Variants in LRRC56 observed in about 807,000 individuals in gnomAD.
LRRC56 encodes leucine rich repeat containing 56.
A neutral mutation model predicts 47.8 loss-of-function variants in LRRC56; 41 were observed. That is an observed-to-expected ratio of 0.86 (90% CI 0.67 to 1.11). The LOEUF (loss-of-function observed/expected upper bound fraction) is 1.11, where lower values mean the gene tolerates loss of function less well. LRRC56 is among the 50% of genes most tolerant of loss of function. The pLI, the probability that LRRC56 is intolerant of heterozygous loss-of-function variation, is 0.00. For missense variants in LRRC56, 759 were observed against 704.2 expected, an observed-to-expected ratio of 1.08 and a Z score of -0.88; for synonymous variants, 387 against 311.2, an observed-to-expected ratio of 1.24 and a Z score of -2.56.
upstream of LRRC56, chr11:534,531 A>T (rs1851337022): frequency 3.3e-6 from 2 of 598,070 alleles, no homozygotes; most frequent in Non-Finnish European, 6.0e-6. Context: ...TGCAGCTGCA[A>T]CCCAGCGTGC....
chr11:519,233 A>G, the LRRC56 span, among the ~76,000 whole-genome samples: 1 of 152,198 alleles, frequency 6.6e-6, no homozygotes, highest in Non-Finnish European at 1.5e-5. Context: ...TTCTTCCTAA[A>G]GGAACGTGGC....
chr11:520,672 A>G, the LRRC56 span, among the ~76,000 whole-genome samples: 87 of 152,004 alleles, frequency 5.7e-4, 1 homozygote, highest in Non-Finnish European at 2.2e-4. Context: ...AATGAGCCCC[A>G]TGCCTGACCT....
At position 551,824 on chromosome 11, in the gene LRRC56, C is replaced by T. The variant is rs772797475; in HGVS notation, c.970C>T (p.His324Tyr). ...AGAAGATAACACCAGCAGCCTCACCCATGGTAACTGACTTGCCTCAAAGCT... is the reference window on the plus strand; with the variant it reads ...AGAAGATAACACCAGCAGCCTCACCTATGGTAACTGACTTGCCTCAAAGCT... Reference protein sequence around the residue: ...APEDNTSSLTHGAGQVLCGNP... With the variant: ...APEDNTSSLTYGAGQVLCGNP... The change falls in exon 10 of 14, where the codon CAT becomes TAT. Residue 324 changes from histidine (H) to tyrosine (Y), a missense_variant. Transcript: ENST00000270115. 3 of 1,606,884 alleles carry T rather than the reference C, an allele frequency of 1.9e-6. No individual in the cohort carries two copies. In the South Asian group the frequency reaches 3.3e-5, roughly 18 times the overall value.
the LRRC56 span, among the ~76,000 whole-genome samples, chr11:526,946 A>G: frequency 1.3e-5 from 2 of 151,782 alleles, no homozygotes; most frequent in Non-Finnish European, 2.9e-5. Flanking sequence ...AAAAAAAGAA[A>G]AAAAAAGAAA....
chr11:552,762 A>G, intron 13 of LRRC56, 60 bp downstream of exon 13: 1 of 1,452,758 alleles, frequency 6.9e-7, no homozygotes, highest in Non-Finnish European at 9.4e-7. Flanking sequence ...CCACTTCTAT[A>G]GGGGGGCCCT....
the LRRC56 span, among the ~76,000 whole-genome samples, chr11:511,714 C>T: frequency 6.6e-6 from 1 of 152,224 alleles, no homozygotes; most frequent in African/African-American, 2.4e-5. Context: ...GCCTCAGATA[C>T]AAGATGCCTC....
At chr11:522,972 A>T in the LRRC56 span, among the ~76,000 whole-genome samples, 1 of 152,092 alleles carries the variant, frequency 6.6e-6, no homozygotes, top group Non-Finnish European at 1.5e-5. Context: ...TGGTCTCTGT[A>T]TATATTTTCT....
intron 12 of LRRC56, 130 bp downstream of exon 12, chr11:552,362 G>T (rs1055137069): frequency 7.4e-7 from 1 of 1,359,636 alleles, no homozygotes; most frequent in Non-Finnish European, 1.0e-6. Flanking sequence ...TGTCCCGTGG[G>T]GGGATCAGGG....
chr11:551,804 A>C lies in LRRC56; in HGVS notation c.950A>C (p.Asp317Ala). ...GLLSEDLAPE[D>A]NTSSLTHGAG... ...CTTTCTGAGGACCTGGCCCCAGAAG[A>C]TAACACCAGCAGCCTCACCCATGGT... The change falls in exon 10 of 14, where the codon GAT becomes GCT. Residue 317 changes from aspartate (D) to alanine (A), a missense_variant. Transcript: ENST00000270115. 1 of 1,608,060 alleles carries C rather than the reference A, an allele frequency of 6.2e-7. No individual in the cohort carries two copies. Among genetic ancestry groups the C allele is most frequent in the Admixed American group, 1.7e-5 (1 of 59,668 alleles).
chr11:538,332 G>A (rs114204734), intron 1 of LRRC56, among the ~76,000 whole-genome samples: 2,813 of 152,272 alleles, frequency 0.018, 84 homozygotes, highest in African/African-American at 0.064. Flanking sequence ...CATGAGGCTC[G>A]AGGCTGGCAG....
intron 6 of LRRC56, among the ~76,000 whole-genome samples, chr11:549,128 G>C (rs750478141): frequency 2.0e-5 from 3 of 152,170 alleles, no homozygotes; most frequent in Non-Finnish European, 2.9e-5. Flanking sequence ...ATGAAGCCCA[G>C]GTGAGTCACA....
chr11:553,915 C>T (rs201673418), intron 13 of LRRC56, 48 bp from the exon 14 acceptor site: 3 of 1,570,360 alleles, frequency 1.9e-6, no homozygotes, highest in African/African-American at 1.4e-5. Context: ...GGGTGACTCC[C>T]TTCCCTGACA....
the LRRC56 span, among the ~76,000 whole-genome samples, chr11:524,055 C>T: frequency 0.027 from 4,051 of 152,242 alleles, 77 homozygotes; most frequent in Non-Finnish European, 0.038. Context: ...GGTATCGGTT[C>T]TCGGTAATTG....
chr11:532,416 C>T, the LRRC56 span: 152 of 662,920 alleles, frequency 2.3e-4, 1 homozygote, highest in African/African-American at 2.1e-3. Flanking sequence ...CCCGGGGTGA[C>T]TGGGCTCCAG....
At chr11:552,734 C>G (rs1241148028) in intron 13 of LRRC56, 32 bp downstream of exon 13, 1 of 1,569,174 alleles carries the variant, frequency 6.4e-7, no homozygotes, top group Admixed American at 1.8e-5. Flanking sequence ...CCCCCAGTGC[C>G]TGGGAGTGAC....
the LRRC56 span, among the ~76,000 whole-genome samples, chr11:526,672 CATG>C: frequency 9.9e-5 from 15 of 152,230 alleles, no homozygotes; most frequent in Non-Finnish European, 2.1e-4. Context: ...CACGGTGGCT[CATG>C]CCTGTAATCC....
At chr11:551,075 G>A (rs887107729) in intron 8 of LRRC56, 56 bp from the exon 9 acceptor site, 22 of 1,054,780 alleles carry the variant, frequency 2.1e-5, no homozygotes, top group Admixed American at 9.4e-5. Context: ...AGAGCTGGCC[G>A]GAAGGAAACA....
upstream of LRRC56, chr11:532,635 G>A (rs730880327): frequency 1.8e-5 from 29 of 1,610,862 alleles, no homozygotes; most frequent in Admixed American, 3.3e-5. Context: ...CCTCACCTGC[G>A]TCAGGAGAGC....
chr11:532,869 G>A (rs1564788127), upstream of LRRC56: 111 of 1,052,932 alleles, frequency 1.1e-4, 1 homozygote, highest in Non-Finnish European at 1.2e-4. Flanking sequence ...GACTCCACCA[G>A]CCACTTCCCC....
Sources: gnomAD v4.1 joint callset for allele counts (sites outside exome capture counted in the v4.1 genomes callset) on GRCh38, gnomAD v4.1.1 for gene constraint, MANE v1.5 for transcripts, NCBI Gene and HGNC (gene_info 2026-07-23, HGNC 2026-07-21) for gene names.